The following LRP6 variants were observed in gnomAD, a reference collection of about 807,000 sequenced individuals.
LRP6 encodes LDL receptor related protein 6.
LRP6 carries 43 observed loss-of-function variants against 184.1 expected under a neutral mutation model. The observed-to-expected ratio is 0.23, with a 90% CI of 0.18 to 0.30. LRP6 has a LOEUF of 0.30. Ranked by LOEUF, LRP6 falls within the 10% of genes least tolerant of loss-of-function variation. LRP6 has a pLI of 1.00. For missense variants in LRP6, 1,571 were observed against 2,005.3 expected (o/e 0.78, Z 4.14); for synonymous variants, 719 against 684.9 (o/e 1.05, Z -0.78).
intron 2 of LRP6, among the ~76,000 whole-genome samples, chr12:12,212,361 CAGTTATG>C: frequency 6.6e-6 from 1 of 152,276 alleles, no homozygotes; most frequent in Middle Eastern, 3.4e-3. Context: ...TACTATGCTC[CAGTTATG>C]AGCTGCTTTT....
intron 2 of LRP6, among the ~76,000 whole-genome samples, chr12:12,219,441 G>A (rs1016409159): frequency 2.0e-5 from 3 of 152,152 alleles, no homozygotes; most frequent in South Asian, 2.1e-4. Context: ...TTGACCTTGT[G>A]ATCCGCCCAC....
intron 5 of LRP6, among the ~76,000 whole-genome samples, chr12:12,182,464 A>C (rs968325793): frequency 6.6e-6 from 1 of 152,206 alleles, no homozygotes; most frequent in Non-Finnish European, 1.5e-5. Flanking sequence ...ACCAGCAAAA[A>C]ATCGTCTAAC....
chr12:12,240,846 C>G (rs1035509371), intron 2 of LRP6, among the ~76,000 whole-genome samples: 7 of 152,142 alleles, frequency 4.6e-5, no homozygotes, highest in African/African-American at 1.7e-4. Flanking sequence ...GGAGCAGCCA[C>G]ATAGGAATCA....
At chr12:12,134,113 C>G (rs1949797497) in intron 17 of LRP6, among the ~76,000 whole-genome samples, 1 of 152,110 alleles carries the variant, frequency 6.6e-6, no homozygotes, top group South Asian at 2.1e-4. Context: ...TTTTAAAAAA[C>G]TTATAGTTCG....
chr12:12,184,145 T>C (rs539300640), intron 4 of LRP6, 34 bp from the exon 5 acceptor site: 4 of 1,593,902 alleles, frequency 2.5e-6, no homozygotes, highest in South Asian at 2.2e-5. Context: ...TTAATATCAA[T>C]GATTACTAAG....
In LRP6 at chr12:12,121,373, C is replaced by T; in HGVS notation, c.4595G>A (p.Cys1532Tyr). The part of the protein sequence containing the change: ...YRHFAPPTTP[C>Y]STDVCDSDYA... ...GTCACTGTCACAAACATCTGTGCTG[C>T]AGGGTGTGGTGGGGGGTGCAAAGTG... Residue 1532 changes from cysteine (C) to tyrosine (Y), a missense_variant, in exon 23 of 23, where the codon TGC becomes TAC. This residue lies in a region of LRP6 where 763 missense variants were observed against 859.5 expected (regional missense o/e 0.89). Coordinates refer to ENST00000261349, the MANE Select transcript of LRP6 (RefSeq NM_002336.3). The T allele has an allele frequency of 6.2e-7, 1 of 1,614,038 alleles. No individual in the cohort carries two copies. Among genetic ancestry groups the T allele is most frequent in the Middle Eastern group, 1.6e-4 (1 of 6,062 alleles).
At chr12:12,164,970 AAAG>A (rs939446718) in intron 8 of LRP6, 106 bp downstream of exon 8, 3 of 702,172 alleles carry the variant, frequency 4.3e-6, no homozygotes, top group South Asian at 3.1e-5. Flanking sequence ...GGGGGGCAGT[AAAG>A]AAGGTTTCAA....
At chr12:12,201,915 A>G (rs1863922233) in intron 3 of LRP6, among the ~76,000 whole-genome samples, 1 of 152,226 alleles carries the variant, frequency 6.6e-6, no homozygotes, top group Admixed American at 6.5e-5. Context: ...AATTCTTTAT[A>G]TCTTTCCTGG....
intron 1 of LRP6, among the ~76,000 whole-genome samples, chr12:12,255,201 A>G (rs1865429250): frequency 6.6e-6 from 1 of 152,146 alleles, no homozygotes. Flanking sequence ...AACTTTAGTC[A>G]GGATTCTCTT....
chr12:12,239,300 C>G (rs1446228023), intron 2 of LRP6, among the ~76,000 whole-genome samples: 1 of 152,130 alleles, frequency 6.6e-6, no homozygotes, highest in Non-Finnish European at 1.5e-5. Flanking sequence ...CAAAAGCCAA[C>G]TGGAAACGGA....
intron 9 of LRP6, among the ~76,000 whole-genome samples, chr12:12,162,946 T>G (rs2300231): frequency 0.19 from 28,817 of 152,118 alleles, 2,901 homozygotes; most frequent in African/African-American, 0.25. Context: ...TTTTGTCACT[T>G]AATACAACAG....
At chr12:12,223,160 G>C (rs1001598553) in intron 2 of LRP6, among the ~76,000 whole-genome samples, 1 of 121,150 alleles carries the variant, frequency 8.3e-6, no homozygotes, top group South Asian at 3.1e-4. Context: ...TTTCACTCAA[G>C]TTCTTCATTT....
intron 12 of LRP6, chr12:12,155,436 G>T: frequency 1.1e-6 from 1 of 946,088 alleles, no homozygotes; most frequent in Non-Finnish European, 1.7e-6. Flanking sequence ...TGTTACCACT[G>T]CAAAACTGGA....
chr12:12,132,553 C>G (rs1949774381), intron 17 of LRP6, among the ~76,000 whole-genome samples: 1 of 152,046 alleles, frequency 6.6e-6, no homozygotes, highest in African/African-American at 2.4e-5. Context: ...TGCACTGATG[C>G]TGCAAAAGAA....
chr12:12,239,688 G>GC (rs1342001756), intron 2 of LRP6, among the ~76,000 whole-genome samples: 1 of 149,456 alleles, frequency 6.7e-6, no homozygotes, highest in African/African-American at 2.5e-5. Context: ...TTCATCTCCA[G>GC]CCATACAGAG....
intron 17 of LRP6, among the ~76,000 whole-genome samples, chr12:12,133,673 T>C (rs1376811961): frequency 6.6e-6 from 1 of 152,098 alleles, no homozygotes; most frequent in Admixed American, 6.6e-5. Context: ...TTAAAAATAA[T>C]TGCTAAATGT....
intron 2 of LRP6, among the ~76,000 whole-genome samples, chr12:12,204,855 T>C (rs932324340): frequency 1.4e-5 from 2 of 146,432 alleles, no homozygotes; most frequent in African/African-American, 5.0e-5. Context: ...TTATCCCAGC[T>C]ACTCGGGAGG....
At chr12:12,178,543 C>T (rs1227233072) in intron 7 of LRP6, among the ~76,000 whole-genome samples, 1 of 152,150 alleles carries the variant, frequency 6.6e-6, no homozygotes, top group Non-Finnish European at 1.5e-5. Context: ...TCATAATCCA[C>T]AGGTGTGAAC....
intron 1 of LRP6, among the ~76,000 whole-genome samples, chr12:12,265,283 T>C (rs1451512000): frequency 6.6e-6 from 1 of 152,200 alleles, no homozygotes; most frequent in Non-Finnish European, 1.5e-5. Context: ...AAAAATCTAA[T>C]GAACACTACC....
Sources: allele counts gnomAD v4.1 joint callset (sites outside exome capture counted in the v4.1 genomes callset), GRCh38; gene constraint gnomAD v4.1.1; regional missense constraint gnomAD v4.1.1; transcripts MANE v1.5; gene names NCBI Gene and HGNC (gene_info 2026-07-23, HGNC 2026-07-21).